The following MAP4 variants were observed in gnomAD, a reference collection of about 807,000 sequenced individuals.
The protein encoded by MAP4 is microtubule associated protein 4.
In MAP4, 76 loss-of-function variants were observed where a neutral mutation model predicts 170.2. The observed-to-expected ratio is 0.45, with a 90% CI of 0.37 to 0.54. The LOEUF is 0.54. MAP4 is among the 20% of genes least tolerant of loss of function. The pLI is 0.00. For missense variants in MAP4, 2,506 were observed against 2,748.0 expected, an observed-to-expected ratio of 0.91 and a Z score of 1.97; for synonymous variants, 909 against 994.5, an observed-to-expected ratio of 0.91 and a Z score of 1.62.
chr3:48,046,723 T>A (rs2100124739), intron 1 of MAP4, among the ~76,000 whole-genome samples: 4 of 152,208 alleles, frequency 2.6e-5, no homozygotes, highest in Admixed American at 2.0e-4. Flanking sequence ...TGAATTCCTA[T>A]CCTTTCTTTT....
intron 3 of MAP4, among the ~76,000 whole-genome samples, chr3:47,932,114 ACT>A (rs1221739990): frequency 6.6e-6 from 1 of 151,910 alleles, no homozygotes; most frequent in Admixed American, 6.6e-5. Flanking sequence ...CTCGGTAACC[ACT>A]CGTCTACTTT....
In MAP4 at chr3:47,971,240, TAGCAACATAATGTGC is replaced by T. The variant is rs533144019; in HGVS notation, c.292+6610_292+6624del. ...GGATGGATGTCTTGCTGTCTATACA[TAGCAACATAATGTGC>T]AGCTTATGTCTGGGCTCCACTTGTG... On this transcript the variant is annotated intron_variant, in intron 3 of 20. Coordinates refer to ENST00000683076, the MANE Select transcript of MAP4 (RefSeq NM_001385682.1). Among the ~76,000 whole-genome samples the T allele has an allele frequency of 9.2e-5, 14 of 152,364 alleles. No individual in the cohort carries two copies. The South Asian group carries it at 2.7e-3, about 29-fold the overall frequency.
At chr3:47,862,151 A>T (rs1576692367) in intron 17 of MAP4, among the ~76,000 whole-genome samples, 1 of 121,592 alleles carries the variant, frequency 8.2e-6, no homozygotes, top group African/African-American at 3.4e-5. Flanking sequence ...ACAGAGCGAG[A>T]CTCTGTCTCC....
chr3:47,933,942 T>TCC (rs1355319580), intron 3 of MAP4, among the ~76,000 whole-genome samples: 1 of 152,186 alleles, frequency 6.6e-6, no homozygotes, highest in African/African-American at 2.4e-5. Context: ...ACAAGTAGGT[T>TCC]CCCCAGAGCT....
intron 1 of MAP4, among the ~76,000 whole-genome samples, chr3:48,085,869 A>G (rs1204213294): frequency 1.3e-5 from 2 of 151,908 alleles, no homozygotes; most frequent in East Asian, 3.9e-4. Flanking sequence ...ACCCTAACAC[A>G]GTGAAACCCT....
At chr3:47,974,169 T>C (rs1244991544) in intron 3 of MAP4, 19 of 966,642 alleles carry the variant, frequency 2.0e-5, no homozygotes, top group Non-Finnish European at 2.3e-5. Context: ...CTCACACCTG[T>C]AATCCCAGCA....
chr3:48,088,518 T>A (rs1439264280), intron 1 of MAP4, among the ~76,000 whole-genome samples: 1 of 139,634 alleles, frequency 7.2e-6, no homozygotes, highest in African/African-American at 2.8e-5. Context: ...CCTCAAAAGC[T>A]GGACCTCTCA....
chr3:48,043,475 A>G (rs964829087), intron 1 of MAP4, among the ~76,000 whole-genome samples: 4 of 152,234 alleles, frequency 2.6e-5, no homozygotes, highest in Non-Finnish European at 5.9e-5. Flanking sequence ...CCAAAAAGAG[A>G]GATAACACCA....
At chr3:47,899,641 C>T (rs1221616630) in intron 10 of MAP4, among the ~76,000 whole-genome samples, 1 of 152,204 alleles carries the variant, frequency 6.6e-6, no homozygotes, top group African/African-American at 2.4e-5. Flanking sequence ...GGGTGCACTG[C>T]ACAGTGCTTG....
intron 4 of MAP4, among the ~76,000 whole-genome samples, chr3:47,924,150 G>A (rs1577690899): frequency 1.3e-5 from 2 of 152,284 alleles, no homozygotes; most frequent in Admixed American, 1.3e-4. Flanking sequence ...ACCCAAAGAT[G>A]TACAAGGTCA....
chr3:47,948,160 G>A (rs912533543), intron 3 of MAP4, among the ~76,000 whole-genome samples: 5 of 150,900 alleles, frequency 3.3e-5, no homozygotes, highest in African/African-American at 9.7e-5. Context: ...ACCACGCCCG[G>A]CTAATTTTTT....
intron 6 of MAP4, among the ~76,000 whole-genome samples, chr3:47,917,744 A>G (rs2100040561): frequency 6.6e-6 from 1 of 152,212 alleles, no homozygotes; most frequent in Non-Finnish European, 1.5e-5. Flanking sequence ...AGGCTTCAAA[A>G]ATAACACGGG....
Position 47,912,278 on chromosome 3 carries a change from T to G in MAP4, c.2143A>C (p.Arg715=), listed in dbSNP as rs1257615118. 1 of 1,535,978 alleles carries G rather than the reference T, an allele frequency of 6.5e-7. No homozygotes were observed. Among genetic ancestry groups the G allele is most frequent in the Non-Finnish European group, 8.7e-7 (1 of 1,146,910 alleles). ...TCAGACAAAGAGCAGTGGCCCAGCC[T>G]GTGATCAAGAGTCTTCCATGGAGGA... ...GSPPWKTLDH[R]LGHCSLSESG... Residue 715 remains arginine (R), a synonymous_variant, in exon 9 of 21, where the codon AGG becomes CGG. Transcript: ENST00000683076.
intron 10 of MAP4, among the ~76,000 whole-genome samples, chr3:47,898,067 T>C (rs2100027976): frequency 6.6e-6 from 1 of 152,190 alleles, no homozygotes; most frequent in Non-Finnish European, 1.5e-5. Context: ...CTTAGATTTA[T>C]GTTAATATCT....
In MAP4 at chr3:48,066,943, C is replaced by T. The variant is rs1371908834; in HGVS notation, c.-20+21830G>A. The stretch of plus-strand genomic sequence containing the variant: ...GCAAGCTCCGCCTCCCAGGTTCACA[C>T]CATTCTCCTGCCTCAGCCTCCTGAG... On this transcript the variant is annotated intron_variant, in intron 1 of 18. Coordinates refer to the MAP4 transcript ENST00000360240. Among the ~76,000 whole-genome samples the T allele has an allele frequency of 2.7e-5, 4 of 148,362 alleles. No individual in the cohort carries two copies. In the Admixed American group the frequency reaches 2.8e-4, roughly 10 times the overall value.
intron 1 of MAP4, among the ~76,000 whole-genome samples, chr3:48,035,758 G>C (rs927653914): frequency 1.3e-5 from 2 of 152,072 alleles, no homozygotes; most frequent in Admixed American, 1.3e-4. Flanking sequence ...TGGCCAACAT[G>C]ATGAAACCCC....
At chr3:48,068,549 G>C (rs2100139430) in intron 1 of MAP4, among the ~76,000 whole-genome samples, 1 of 152,152 alleles carries the variant, frequency 6.6e-6, no homozygotes, top group South Asian at 2.1e-4. Context: ...CAGCCCTTAG[G>C]GAGGCCAAGG....
chr3:48,018,902 A>C (rs1250810839), upstream of MAP4, among the ~76,000 whole-genome samples: 1 of 152,228 alleles, frequency 6.6e-6, no homozygotes, highest in Non-Finnish European at 1.5e-5. Context: ...ATAGAAAGAA[A>C]GCCAGTAAGG....
chr3:47,930,713 G>A (rs1475437057), intron 3 of MAP4, among the ~76,000 whole-genome samples: 3 of 151,932 alleles, frequency 2.0e-5, no homozygotes, highest in Non-Finnish European at 4.4e-5. Context: ...CGGATCACAA[G>A]GTCAGGAAAT....
Sources: allele counts gnomAD v4.1 joint callset (sites outside exome capture counted in the v4.1 genomes callset), GRCh38; gene constraint gnomAD v4.1.1; transcripts MANE v1.5; gene names NCBI Gene and HGNC (gene_info 2026-07-23, HGNC 2026-07-21).